The following UBN2 variants were observed in gnomAD, a reference collection of about 807,000 sequenced individuals.
The protein encoded by UBN2 is ubinuclein-2.
A neutral mutation model predicts 120.2 loss-of-function variants in UBN2; 35 were observed. That is an observed-to-expected ratio of 0.29 (90% CI 0.22 to 0.39). The LOEUF (loss-of-function observed/expected upper bound fraction) is 0.39. UBN2 is among the 10% of genes least tolerant of loss of function. The probability of loss-of-function intolerance (pLI) is 1.00; values close to 1 mark genes in which losing one functional copy is unlikely to be tolerated. For synonymous variants in UBN2, 661 were observed against 648.7 expected (o/e 1.02, Z -0.29); for missense variants, 1,693 against 1,663.2 (o/e 1.02, Z -0.31).
At chr7:139,244,099 G>C (rs1160117043) in intron 2 of UBN2, among the ~76,000 whole-genome samples, 6 of 152,130 alleles carry the variant, frequency 3.9e-5, no homozygotes, top group African/African-American at 1.4e-4. Flanking sequence ...AGCTAACCAG[G>C]TCACTCCTTA....
rs1375967408 is a variant in UBN2, at chr7:139,239,558, T to C, written c.561+2461T>C. On this transcript the variant is annotated intron_variant, in intron 2 of 17. Transcript: ENST00000473989. The stretch of plus-strand genomic sequence containing the variant: ...ATCACTATATTAGAGTGTCTTTTTT[T>C]TTTTTTTTTTTTTTTTGAGGCAGAG... 2.0e-5 allele frequency among the ~76,000 whole-genome samples: 3 copies of C among 146,430 alleles called. No individual in the cohort carries two copies. In the East Asian group the frequency reaches 5.9e-4, roughly 29 times the overall value.
intron 1 of UBN2, among the ~76,000 whole-genome samples, chr7:139,236,733 A>G (rs1040796605): frequency 9.3e-5 from 14 of 150,720 alleles, no homozygotes; most frequent in African/African-American, 3.4e-4. Flanking sequence ...CTATGAACCA[A>G]CTTTTTTTTT....
At chr7:139,314,332 G>A in the UBN2 span, among the ~76,000 whole-genome samples, 1 of 151,506 alleles carries the variant, frequency 6.6e-6, no homozygotes, top group African/African-American at 2.4e-5. Context: ...ATGGGCTCCT[G>A]TAGTCCCAGC....
intron 3 of UBN2, among the ~76,000 whole-genome samples, chr7:139,254,523 AT>A (rs1796708096): frequency 6.6e-6 from 1 of 152,118 alleles, no homozygotes; most frequent in Admixed American, 6.5e-5. Flanking sequence ...TCAGTTTCTA[AT>A]TTGCTGTGTA....
rs2131081340 is a variant in UBN2, at chr7:139,299,893, T to C, written c.*2057T>C. 6.6e-6 allele frequency: 1 copy of C among 152,280 alleles called. No homozygotes were observed. Among genetic ancestry groups the C allele is most frequent in the East Asian group, 1.9e-4 (1 of 5,188 alleles). 9.4% of individuals were successfully genotyped at this position (152,280 alleles called of 1,614,324 possible). On this transcript the variant is annotated 3_prime_UTR_variant, in exon 18 of 18. Transcript: ENST00000473989. The stretch of plus-strand genomic sequence containing the variant: ...GGGATTTTCCTTTGGGAAGGTAGCC[T>C]TTGTTTTACTTCTCATACCACAAGA...
intron 2 of UBN2, among the ~76,000 whole-genome samples, chr7:139,247,815 A>G (rs1796512167): frequency 1.3e-5 from 2 of 152,144 alleles, no homozygotes; most frequent in African/African-American, 4.8e-5. Context: ...TGATCTTGTC[A>G]GTTACTTCCT....
chr7:139,259,343 C>T lies in UBN2; in HGVS notation c.878C>T (p.Pro293Leu), dbSNP rs1796861374. Residue 293 changes from proline to leucine, a missense_variant, in exon 5 of 18, where the codon CCA (proline) becomes CTA (leucine). By Grantham distance (98) the Pro-to-Leu change is moderately conservative. Coordinates refer to ENST00000473989, the MANE Select transcript of UBN2 (RefSeq NM_173569.4). ...GAGGAAGGGGAAAAGGAGAAGAAGCCAAGGAAAAAAGTTCCCAAACAACTG... is the reference window on the plus strand; with the variant it reads ...GAGGAAGGGGAAAAGGAGAAGAAGCTAAGGAAAAAAGTTCCCAAACAACTG... ...RKEEGEKEKK[P>L]RKKVPKQLGV... 3 of 1,613,618 alleles carry T rather than the reference C, an allele frequency of 1.9e-6. No homozygotes were observed. Among genetic ancestry groups the T allele is most frequent in the Non-Finnish European group, 2.5e-6 (3 of 1,179,836 alleles).
At chr7:139,315,452 C>T in the UBN2 span, 1 of 152,066 alleles carries the variant, frequency 6.6e-6, no homozygotes, top group Non-Finnish European at 1.5e-5. Flanking sequence ...GACATTTTCC[C>T]TGTCTAGTAT....
chr7:139,303,759 T>TA lies in UBN2; in HGVS notation c.*5930dup, dbSNP rs1371082340. ...AAAAGCACCCTATGGTTTTTAAATT[T>TA]AAAAAAATCACTGGAATTTTAATTT... On this transcript the variant is annotated 3_prime_UTR_variant, in exon 18 of 18. Coordinates refer to ENST00000473989, the MANE Select transcript of UBN2 (RefSeq NM_173569.4). 2.0e-5 allele frequency: 3 copies of TA among 152,306 alleles called. No homozygotes were observed. Among genetic ancestry groups the TA allele is most frequent in the East Asian group, 1.9e-4 (1 of 5,188 alleles). 9.4% of individuals were successfully genotyped at this position (152,306 alleles called of 1,614,324 possible).
At chr7:139,322,558 G>A in the UBN2 span, among the ~76,000 whole-genome samples, 3 of 151,268 alleles carry the variant, frequency 2.0e-5, no homozygotes, top group East Asian at 5.8e-4. Context: ...GGCAATCTAA[G>A]CCAGCAATGG....
At chr7:139,314,764 C>T in the UBN2 span, among the ~76,000 whole-genome samples, 2 of 151,940 alleles carry the variant, frequency 1.3e-5, no homozygotes, top group Non-Finnish European at 2.9e-5. Context: ...GGATTACAGG[C>T]GTGAGCCACG....
At chr7:139,327,266 C>A in the UBN2 span, among the ~76,000 whole-genome samples, 1 of 152,202 alleles carries the variant, frequency 6.6e-6, no homozygotes, top group Non-Finnish European at 1.5e-5. Flanking sequence ...CTCCCGACAT[C>A]AGGTGATCTG....
At position 139,283,629 on chromosome 7, in the gene UBN2, T is replaced by G. The variant is rs755116463; in HGVS notation, c.2724T>G (p.Ser908=). The part of the protein sequence containing the change: ...SSSSQAQIAA[S]SHALGTSEAQ... ...CTTCCCAAGCCCAAATTGCTGCCTC[T>G]TCTCATGCTCTGGGAACATCCGAGG... The change falls in exon 15 of 18, where the codon TCT becomes TCG. Residue 908 remains serine, a synonymous_variant. Transcript: ENST00000473989. 6.2e-7 allele frequency: 1 copy of G among 1,614,180 alleles called. No homozygotes were observed. The highest frequency in any genetic ancestry group is 8.5e-7 in the Non-Finnish European group (1 of 1,180,038).
At chr7:139,319,993 G>A in the UBN2 span, among the ~76,000 whole-genome samples, 8 of 151,026 alleles carry the variant, frequency 5.3e-5, no homozygotes, top group East Asian at 2.0e-4. Context: ...GGAGAATGGC[G>A]TGAACCCAGG....
In UBN2 at chr7:139,306,942, AT is replaced by A. The variant is rs1563235321; in HGVS notation, c.*9109del. 6.6e-6 allele frequency: 1 copy of A among 152,204 alleles called. No homozygotes were observed. The highest frequency in any genetic ancestry group is 6.5e-5 in the Admixed American group (1 of 15,268). The allele number at this position is 152,204 out of a possible 1,614,324, so 9.4% of individuals were successfully genotyped here. A position where few individuals can be genotyped will look rare whatever the true frequency, so the allele number is the denominator to read the frequency against. ...AAAATGATTACCGAACTCCAGACCTATTTGCTATAACTGATTGGAAATAATG... is the reference window on the plus strand; with the variant it reads ...AAAATGATTACCGAACTCCAGACCTATTGCTATAACTGATTGGAAATAATG... On this transcript the variant is annotated 3_prime_UTR_variant, in exon 18 of 18. Coordinates refer to ENST00000473989, the MANE Select transcript of UBN2 (RefSeq NM_173569.4).
chr7:139,284,286 T>C lies in UBN2; in HGVS notation c.3381T>C (p.Asn1127=). Residue 1127 remains asparagine (N), a synonymous_variant, in exon 15 of 18, where the codon AAT becomes AAC. Transcript: ENST00000473989. ...TCAGCAGACAGTCTCCCACCTTGAA[T>C]TTATTGCCCTCTAGTCGCACTTCAG... is the stretch of plus-strand genomic sequence containing the variant. ...MNISRQSPTL[N]LLPSSRTSGL... The C allele has an allele frequency of 6.2e-7, 1 of 1,614,148 alleles. No homozygotes were observed. The highest frequency in any genetic ancestry group is 2.2e-5 in the East Asian group (1 of 44,882).
chr7:139,273,513 A>G (rs1797351213), intron 10 of UBN2, 103 bp downstream of exon 10: 1 of 775,634 alleles, frequency 1.3e-6, no homozygotes, highest in Non-Finnish European at 1.9e-6. Flanking sequence ...GAAGCAACCA[A>G]AGATTAGTGT....
At chr7:139,232,012 C>T in intron 1 of UBN2, 60 bp downstream of exon 1, 1 of 1,531,944 alleles carries the variant, frequency 6.5e-7, no homozygotes, top group Admixed American at 1.8e-5. Flanking sequence ...CGCCGCCTTC[C>T]CCAGCTGGTT....
At chr7:139,252,200 A>AT in intron 3 of UBN2, 143 bp downstream of exon 3, 1 of 547,426 alleles carries the variant, frequency 1.8e-6, no homozygotes, top group Non-Finnish European at 2.9e-6. Context: ...AGATTTCTTT[A>AT]CCCTTTTTTT....
Sources: allele counts gnomAD v4.1 joint callset (sites outside exome capture counted in the v4.1 genomes callset), GRCh38; gene constraint gnomAD v4.1.1; transcripts MANE v1.5; gene names NCBI Gene and HGNC (gene_info 2026-07-23, HGNC 2026-07-21).